The following CFAP65 variants were observed in gnomAD, a reference collection of about 807,000 sequenced individuals.
CFAP65 encodes cilia and flagella associated protein 65.
A neutral mutation model predicts 208.0 loss-of-function variants in CFAP65; 155 were observed. That is an observed-to-expected ratio of 0.75 (90% confidence interval 0.65 to 0.85). CFAP65 has a LOEUF of 0.85. Ranked by LOEUF, CFAP65 falls within the 40% of genes least tolerant of loss-of-function variation. The probability of loss-of-function intolerance (pLI) is 0.00; values close to 1 mark genes in which losing one functional copy is unlikely to be tolerated. For synonymous variants in CFAP65, 970 were observed against 986.3 expected, an observed-to-expected ratio of 0.98 and a Z score of 0.31; for missense variants, 2,294 against 2,451.3, an observed-to-expected ratio of 0.94 and a Z score of 1.36.
chr2:219,022,062 C>G (rs193287638), intron 17 of CFAP65, 109 bp downstream of exon 17: 2 of 1,516,116 alleles, frequency 1.3e-6, no homozygotes, highest in Non-Finnish European at 1.8e-6. Context: ...GGCTCCTATC[C>G]TCTGCCCTCT....
intron 5 of CFAP65, chr2:219,034,310 T>A (rs1257157227): frequency 6.6e-6 from 1 of 152,146 alleles, no homozygotes; most frequent in Non-Finnish European, 1.5e-5. Flanking sequence ...GCCAAGACAA[T>A]CTTGAAGAAG....
In CFAP65 at chr2:219,029,269, A is replaced by G. The variant is rs2106219223; in HGVS notation, c.1650+134T>C. 6 of 1,171,114 alleles carry G rather than the reference A, an allele frequency of 5.1e-6. No individual in the cohort carries two copies. In the East Asian group the frequency reaches 1.5e-4, roughly 29 times the overall value. 72.5% of individuals were successfully genotyped at this position (1,171,114 alleles called of 1,614,324 possible). A position where few individuals can be genotyped will look rare whatever the true frequency, so the allele number is the denominator to read the frequency against. On this transcript the variant is annotated intron_variant, in intron 11 of 34. Transcript: ENST00000341552. The stretch of plus-strand genomic sequence containing the variant: ...GCTCCAAAAGCCAGGGCTGGGGCCC[A>G]GGAGTGGGAGACCACCAGGCAGACA...
Position 219,030,689 on chromosome 2 carries a change from C to T in CFAP65, c.1161G>A (p.Ala387=), listed in dbSNP as rs377597326. The change falls in exon 9 of 35, where the codon GCG becomes GCA. Residue 387 remains alanine, a splice_region_variant and synonymous_variant. Transcript: ENST00000341552. ...ERQIRLHNPS[A]VNAPFRIEIS... ...GCCGCCCCTCCTGCCTGGTGCCTAC[C>T]GCCGACGGGTTGTGTAGCCTGATCT... 37 of 1,612,340 alleles carry T rather than the reference C, an allele frequency of 2.3e-5. No homozygotes were observed. Among genetic ancestry groups the T allele is most frequent in the African/African-American group, 1.6e-4 (12 of 74,882 alleles).
Position 219,040,577 on chromosome 2 carries a change from A to ATC in CFAP65, c.-48-14_-48-13insGA. The ATC allele has an allele frequency of 2.6e-6, 4 of 1,552,000 alleles. No individual in the cohort carries two copies. The highest frequency in any genetic ancestry group is 3.5e-6 in the Non-Finnish European group (4 of 1,146,880). The stretch of plus-strand genomic sequence containing the variant: ...AAAGAAATGTAAGCTGAGGAGACAC[A>ATC]GAGAGAGTCCATTACTTTTCTGCCA... On this transcript the variant is annotated splice_polypyrimidine_tract_variant and intron_variant, in intron 1 of 34. Coordinates refer to ENST00000341552, the MANE Select transcript of CFAP65 (RefSeq NM_194302.4).
intron 2 of CFAP65, 97 bp from the exon 3 acceptor site, chr2:219,039,147 A>G (rs187268476): frequency 2.3e-4 from 234 of 1,010,226 alleles, no homozygotes; most frequent in Non-Finnish European, 3.3e-4. Context: ...TATGTGGCAC[A>G]TATATTTGTA....
chr2:219,013,481 C>G (rs746540086), intron 23 of CFAP65, 38 bp downstream of exon 23: 1 of 1,580,108 alleles, frequency 6.3e-7, no homozygotes. Context: ...CCTCCTCCAG[C>G]CTGAAACTAG....
At chr2:219,013,684 C>G in intron 22 of CFAP65, 99 bp from the exon 23 acceptor site, 1 of 1,269,618 alleles carries the variant, frequency 7.9e-7, no homozygotes, top group Non-Finnish European at 1.1e-6. Context: ...AGCTGGCCAG[C>G]CCCTGGGAGC....
rs1574501726 is a variant in CFAP65 at position 219,003,830 on chromosome 2, C to A, written c.5555+122G>T. 8.1e-7 allele frequency: 1 copy of A among 1,227,402 alleles called. No individual in the cohort carries two copies. Among genetic ancestry groups the A allele is most frequent in the East Asian group, 2.3e-5 (1 of 42,710 alleles). The allele number at this position is 1,227,402 out of a possible 1,614,324, so 76.0% of individuals were successfully genotyped here. On this transcript the variant is annotated intron_variant, in intron 33 of 34. Transcript: ENST00000341552. This position sits in a 1 kb window ranked among gnomAD's most constrained non-coding sequence, Gnocchi z 4.4. ...GCCTTAAGCTACCAACATGACCTCA[C>A]TAAGCACTGAATTAGGATGAGATGT...
intron 5 of CFAP65, 138 bp downstream of exon 5, chr2:219,035,342 T>C (rs1425369044): frequency 1.9e-6 from 3 of 1,563,708 alleles, no homozygotes; most frequent in East Asian, 4.7e-5. Context: ...TTATTCATAC[T>C]GCACGTATTT....
chr2:219,036,570 G>C (rs553150519), intron 4 of CFAP65, among the ~76,000 whole-genome samples: 2 of 151,594 alleles, frequency 1.3e-5, no homozygotes. Flanking sequence ...TTAGCTTCCC[G>C]AGTAGCTGGG....
Position 219,026,176 on chromosome 2 carries a change from C to T in CFAP65, c.2212-17G>A. ...CTGCAGGACCTGCAGAGGGGCCAGACCCACGGAAAAGCTCAGAGTCCTGTG... is the reference window on the plus strand; with the variant it reads ...CTGCAGGACCTGCAGAGGGGCCAGATCCACGGAAAAGCTCAGAGTCCTGTG... On this transcript the variant is annotated splice_polypyrimidine_tract_variant and intron_variant, in intron 13 of 34. Coordinates refer to ENST00000341552, the MANE Select transcript of CFAP65 (RefSeq NM_194302.4). 1 of 1,601,566 alleles carries T rather than the reference C, an allele frequency of 6.2e-7. No homozygotes were observed. Among genetic ancestry groups the T allele is most frequent in the South Asian group, 1.1e-5 (1 of 90,750 alleles).
At chr2:219,033,227 T>C (rs1408479913) in intron 5 of CFAP65, among the ~76,000 whole-genome samples, 2 of 152,164 alleles carry the variant, frequency 1.3e-5, no homozygotes, top group Non-Finnish European at 2.9e-5. Context: ...ATCCCAGCAC[T>C]TTGAGAGGCT....
intron 23 of CFAP65, 56 bp from the exon 24 acceptor site, chr2:219,013,425 C>A: frequency 6.5e-7 from 1 of 1,543,994 alleles, no homozygotes; most frequent in Non-Finnish European, 8.8e-7. Context: ...ATCTGGACCC[C>A]AGTTCCCCAG....
intron 26 of CFAP65, 103 bp downstream of exon 26, chr2:219,010,443 A>G (rs1286595062): frequency 8.0e-7 from 1 of 1,254,934 alleles, no homozygotes; most frequent in Admixed American, 2.7e-5. Flanking sequence ...CTCCTCAACT[A>G]CATCTCATGT....
At chr2:219,007,146 TTTG>T (rs3082609) in intron 29 of CFAP65, among the ~76,000 whole-genome samples, 1 of 151,478 alleles carries the variant, frequency 6.6e-6, no homozygotes, top group Non-Finnish European at 1.5e-5. Flanking sequence ...AAGAGTTTTT[TTTG>T]TTGTTGTTGT....
At chr2:219,013,830 TGACTG>T in intron 22 of CFAP65, 33 bp downstream of exon 22, 1 of 1,540,020 alleles carries the variant, frequency 6.5e-7, no homozygotes, top group Non-Finnish European at 8.8e-7. Flanking sequence ...GGGGCCTCTA[TGACTG>T]GAAGTGCAGG....
rs1215361468 is a variant in CFAP65, at chr2:219,031,355, G to A, written c.816-50C>T. 3.1e-6 allele frequency: 5 copies of A among 1,606,018 alleles called. No homozygotes were observed. Among genetic ancestry groups the A allele is most frequent in the African/African-American group, 2.7e-5 (2 of 74,742 alleles). ...CACTGGGCTCCCGGCCCCTGCTCCT[G>A]CAGTAGCAAGTCAGGGATGCTGGGC... On this transcript the variant is annotated intron_variant, in intron 7 of 34. Transcript: ENST00000341552. This position sits in a 1 kb window ranked among gnomAD's most constrained non-coding sequence, Gnocchi z 5.2.
In CFAP65 at chr2:219,032,978, T is replaced by C. The variant is rs1948145920; in HGVS notation, c.543-406A>G. Among the ~76,000 whole-genome samples the C allele has an allele frequency of 6.6e-6, 1 of 152,090 alleles. No homozygotes were observed. The highest frequency in any genetic ancestry group is 1.5e-5 in the Non-Finnish European group (1 of 68,012). ...CAGAGCTGTAGCATCCCACAGTGGG[T>C]CAGAACCACAGCTGCTGCAGACTTT... On this transcript the variant is annotated intron_variant, in intron 5 of 34. Transcript: ENST00000341552. This position sits in a 1 kb window ranked among gnomAD's most constrained non-coding sequence, Gnocchi z 5.5.
chr2:219,028,006 G>A lies in CFAP65; in HGVS notation c.1855C>T (p.Leu619=), dbSNP rs1947759599. Residue 619 remains leucine, a synonymous_variant, in exon 13 of 35, where the codon CTG becomes TTG. Transcript: ENST00000341552. ...NGALMIPIQD[L]EDMPAPQYPY... ...TACTGCGGGGCCGGCATGTCCTCCAGATCCTGCATGGGGAAAGACAGGTGG... is the reference window on the plus strand; with the variant it reads ...TACTGCGGGGCCGGCATGTCCTCCAAATCCTGCATGGGGAAAGACAGGTGG... The A allele has an allele frequency of 6.6e-7, 1 of 1,517,076 alleles. No homozygotes were observed. The highest frequency in any genetic ancestry group is 8.8e-7 in the Non-Finnish European group (1 of 1,134,290). The allele number at this position is 1,517,076 out of a possible 1,614,324, so 94.0% of individuals were successfully genotyped here. A position where few individuals can be genotyped will look rare whatever the true frequency, so the allele number is the denominator to read the frequency against.
Sources: allele counts gnomAD v4.1 joint callset (sites outside exome capture counted in the v4.1 genomes callset), GRCh38; gene constraint gnomAD v4.1.1; non-coding constraint Gnocchi (gnomAD v3.1); transcripts MANE v1.5; gene names NCBI Gene and HGNC (gene_info 2026-07-23, HGNC 2026-07-21).